Variants in TJP1 observed in about 807,000 individuals in gnomAD.
TJP1 encodes tight junction protein 1, also known as tight junction protein ZO-1.
TJP1 carries 43 observed loss-of-function variants against 194.2 expected under a neutral mutation model. The ratio of observed to expected loss-of-function variants is 0.22; its 90% CI spans 0.17 to 0.29. TJP1 has a LOEUF of 0.29. Among genes scored for constraint, TJP1 ranks in the 10% least tolerant of loss-of-function variants. The pLI, the probability that TJP1 is intolerant of heterozygous loss-of-function variation, is 1.00. For synonymous variants in TJP1, 801 were observed against 779.0 expected, an observed-to-expected ratio of 1.03 and a Z score of -0.47; for missense variants, 1,971 against 2,185.7, an observed-to-expected ratio of 0.90 and a Z score of 1.96.
At chr15:29,728,456 T>C (rs2043383682) in intron 15 of TJP1, 1 of 158,844 alleles carries the variant, frequency 6.3e-6, no homozygotes, top group Non-Finnish European at 1.4e-5. Context: ...CCTTGGCATG[T>C]CCATCAACCA....
chr15:29,704,060 GAT>G, intron 27 of TJP1, 100 bp downstream of exon 27: 1 of 1,276,052 alleles, frequency 7.8e-7, no homozygotes, highest in Non-Finnish European at 1.1e-6. Flanking sequence ...CAGGAACAGA[GAT>G]AGAGATTTGC....
At chr15:29,754,830 C>T (rs1360325405) in intron 8 of TJP1, among the ~76,000 whole-genome samples, 1 of 152,130 alleles carries the variant, frequency 6.6e-6, no homozygotes, top group East Asian at 1.9e-4. Flanking sequence ...TTGGATTTTG[C>T]ACTTTCAGAT....
intron 2 of TJP1, among the ~76,000 whole-genome samples, chr15:29,916,984 C>A (rs964757864): frequency 2.0e-5 from 3 of 152,200 alleles, no homozygotes; most frequent in African/African-American, 7.2e-5. Context: ...CCACCACCAC[C>A]TTTCATGGTG....
At position 29,966,856 on chromosome 15, in the gene TJP1, C is replaced by A. The variant is rs188048673; in HGVS notation, c.173+1811G>T. Among the ~76,000 whole-genome samples, 25 of 152,072 alleles carry A rather than the reference C, an allele frequency of 1.6e-4. 1 individual carries two copies. Among genetic ancestry groups the A allele is most frequent in the Admixed American group, 1.2e-3 (19 of 15,270 alleles). ...CTGATATTTCCCATACCCCCACATA[C>A]CATCAATCTGAGAAGCGATCTTCAA... On this transcript the variant is annotated intron_variant, in intron 1 of 28. Transcript: ENST00000356107.
In TJP1 at chr15:29,718,552, C is replaced by T. The variant is rs756515004; in HGVS notation, c.3590G>A (p.Arg1197His). 35 of 1,613,974 alleles carry T rather than the reference C, an allele frequency of 2.2e-5. No homozygotes were observed. The highest frequency in any genetic ancestry group is 6.7e-5 in the Admixed American group (4 of 59,996). ...TTGGGGTGGTACTTGCTCGTAACTG[C>T]GTGAATATTGCTCAAAATACTGCTT... Reference protein sequence around the residue: ...ESKQYFEQYSRSYEQVPPQGF... With the variant: ...ESKQYFEQYSHSYEQVPPQGF... Residue 1197 changes from arginine (R) to histidine (H), a missense_variant, in exon 21 of 28, where the codon CGC (arginine) becomes CAC (histidine). By Grantham distance (29) the Arg-to-His change is conservative. Coordinates refer to ENST00000614355, the MANE Select transcript of TJP1 (RefSeq NM_001330239.4).
At chr15:29,888,493 A>C (rs1171992269) in intron 2 of TJP1, among the ~76,000 whole-genome samples, 1 of 152,168 alleles carries the variant, frequency 6.6e-6, no homozygotes, top group Non-Finnish European at 1.5e-5. Flanking sequence ...AGATCATCCT[A>C]AAGTTCCAAT....
At chr15:29,863,178 C>T (rs1040071956) in intron 2 of TJP1, among the ~76,000 whole-genome samples, 1 of 151,874 alleles carries the variant, frequency 6.6e-6, no homozygotes, top group African/African-American at 2.4e-5. Flanking sequence ...CACCTGTAAT[C>T]CCAGCCACTT....
intron 8 of TJP1, among the ~76,000 whole-genome samples, chr15:29,749,211 G>A (rs2045070429): frequency 6.6e-6 from 1 of 151,478 alleles, no homozygotes; most frequent in African/African-American, 2.4e-5. Context: ...GTTATCTGGA[G>A]GCTATGAGCT....
intron 18 of TJP1, among the ~76,000 whole-genome samples, chr15:29,726,112 A>C (rs2043221404): frequency 6.6e-6 from 1 of 152,192 alleles, no homozygotes; most frequent in South Asian, 2.1e-4. Flanking sequence ...ATCAGAACTC[A>C]ACCTGCTCTT....
chr15:29,742,654 G>T lies in TJP1; in HGVS notation c.1138C>A (p.Pro380Thr), dbSNP rs763691257. The change falls in exon 9 of 28, where the codon CCT (proline) becomes ACT (threonine). Residue 380 changes from proline to threonine, a missense_variant. Transcript: ENST00000614355. ...VTVERNEKQT[P>T]SLPEPKPVYA... ...TCGTTATGCTTACCTGGAAGAGAAG[G>T]TGTTTGTTTCTCATTTCTTTCAACT... is the stretch of plus-strand genomic sequence containing the variant. 1.3e-6 allele frequency: 2 copies of T among 1,582,394 alleles called. No homozygotes were observed. Among genetic ancestry groups the T allele is most frequent in the Non-Finnish European group, 1.7e-6 (2 of 1,166,766 alleles).
At chr15:29,884,965 C>T (rs2053066457) in intron 2 of TJP1, among the ~76,000 whole-genome samples, 1 of 152,122 alleles carries the variant, frequency 6.6e-6, no homozygotes, top group Non-Finnish European at 1.5e-5. Context: ...ATTCTCGTTC[C>T]CTAGCAAGTG....
At chr15:29,699,956 T>G (rs1474725548), downstream of TJP1, 1 of 247,296 alleles carries the variant, frequency 4.0e-6, no homozygotes, top group Non-Finnish European at 7.6e-6. Context: ...TCTGCCCCAC[T>G]TCAGTCTGAG....
chr15:29,907,560 C>T (rs569626075), intron 2 of TJP1, among the ~76,000 whole-genome samples: 126 of 152,100 alleles, frequency 8.3e-4, no homozygotes, highest in Non-Finnish European at 1.1e-3. Context: ...TTCTTATATT[C>T]GCCAACATTT....
At chr15:29,855,086 A>C (rs1267720594) in intron 2 of TJP1, among the ~76,000 whole-genome samples, 4 of 152,244 alleles carry the variant, frequency 2.6e-5, no homozygotes, top group African/African-American at 9.6e-5. Context: ...ATATAATGGA[A>C]AAAACACTCC....
At chr15:29,922,288 G>A (rs1279076225) in intron 2 of TJP1, among the ~76,000 whole-genome samples, 1 of 152,154 alleles carries the variant, frequency 6.6e-6, no homozygotes, top group Admixed American at 6.6e-5. Flanking sequence ...TTTGAGACCA[G>A]CCTGGTCAAC....
At chr15:29,863,484 GT>G (rs1171733049) in intron 2 of TJP1, among the ~76,000 whole-genome samples, 2 of 152,086 alleles carry the variant, frequency 1.3e-5, no homozygotes, top group Non-Finnish European at 2.9e-5. Context: ...CTAGAACAGT[GT>G]TTTTAAAGCA....
chr15:29,865,609 G>A (rs987366219), intron 2 of TJP1, among the ~76,000 whole-genome samples: 8 of 152,186 alleles, frequency 5.3e-5, no homozygotes, highest in South Asian at 2.1e-4. Context: ...GCATAAATAT[G>A]TAGAACATCT....
At chr15:29,949,287 C>T (rs1271192995) in intron 2 of TJP1, among the ~76,000 whole-genome samples, 1 of 107,098 alleles carries the variant, frequency 9.3e-6, no homozygotes. Context: ...ACCTCCACCG[C>T]CATCACCTCC....
intron 1 of TJP1, among the ~76,000 whole-genome samples, chr15:29,815,012 G>A (rs1401576344): frequency 6.6e-6 from 1 of 152,058 alleles, no homozygotes; most frequent in Non-Finnish European, 1.5e-5. Context: ...GTGTTCTTGT[G>A]GTAAAGGCAA....
Sources: gnomAD v4.1 joint callset for allele counts (sites outside exome capture counted in the v4.1 genomes callset) on GRCh38, gnomAD v4.1.1 for gene constraint, MANE v1.5 for transcripts, NCBI Gene and HGNC (gene_info 2026-07-23, HGNC 2026-07-21) for gene names.